VCL: variants seen among roughly 807,000 people sequenced by gnomAD.
VCL encodes epididymis luminal protein 114.
A neutral mutation model predicts 125.7 loss-of-function variants in VCL; 47 were observed. That is an observed-to-expected ratio of 0.37 (90% CI 0.30 to 0.48). VCL has a LOEUF of 0.48. Ranked by LOEUF, VCL falls within the 20% of genes least tolerant of loss-of-function variation. VCL has a pLI of 0.99. For missense variants in VCL, 1,069 were observed against 1,455.5 expected (o/e 0.73, Z 4.32); for synonymous variants, 458 against 514.6 (o/e 0.89, Z 1.49).
chr10:74,115,462 C>T (rs772228972), intron 21 of VCL, among the ~76,000 whole-genome samples: 37 of 152,138 alleles, frequency 2.4e-4, no homozygotes, highest in Non-Finnish European at 4.0e-4. Context: ...CAACTTTTGT[C>T]ATTTTACAGA....
chr10:74,019,927 G>A (rs372773441), intron 1 of VCL, among the ~76,000 whole-genome samples: 1 of 152,136 alleles, frequency 6.6e-6, no homozygotes, highest in East Asian at 1.9e-4. Flanking sequence ...GCCGGGCGTG[G>A]TGGCGGGCGC....
At position 74,072,719 on chromosome 10, in the gene VCL, T is replaced by C. The variant is rs1441166248; in HGVS notation, c.500-11T>C. The C allele has an allele frequency of 6.2e-7, 1 of 1,613,928 alleles. No homozygotes were observed. The highest frequency in any genetic ancestry group is 8.5e-7 in the Non-Finnish European group (1 of 1,179,902). On this transcript the variant is annotated splice_polypyrimidine_tract_variant and intron_variant, in intron 4 of 21. Coordinates refer to ENST00000211998, the MANE Select transcript of VCL (RefSeq NM_014000.3). ...CTACTCACCCTGCACAATTTCTTCT[T>C]TGTGCCCCAGGAATGACTAAGATGG...
At chr10:74,091,791 C>CAAAAAAAAAAAAAAAA (rs545539526) in intron 10 of VCL, among the ~76,000 whole-genome samples, 1 of 61,106 alleles carries the variant, frequency 1.6e-5, no homozygotes, top group African/African-American at 5.3e-5. Flanking sequence ...TCTGTCTCAG[C>CAAAAAAAAAAAAAAAA]AAAAAAAAAA....
intron 2 of VCL, among the ~76,000 whole-genome samples, chr10:74,051,783 AG>A (rs1185445872): frequency 6.6e-6 from 1 of 152,254 alleles, no homozygotes; most frequent in Non-Finnish European, 1.5e-5. Flanking sequence ...GTTGCAGGAC[AG>A]GCAAACCCCA....
chr10:74,117,942 C>T, intron 21 of VCL, 81 bp from the exon 22 acceptor site: 1 of 1,597,000 alleles, frequency 6.3e-7, no homozygotes, highest in Non-Finnish European at 8.6e-7. Context: ...TTAGCTGCAT[C>T]CCACTCCTGG....
chr10:74,075,234 G>T, intron 6 of VCL: 1 of 279,470 alleles, frequency 3.6e-6, no homozygotes, highest in Non-Finnish European at 6.8e-6. Flanking sequence ...CTTGTATATG[G>T]GTGGTTCTTC....
At chr10:74,048,258 C>T (rs992806510) in intron 2 of VCL, among the ~76,000 whole-genome samples, 1 of 152,048 alleles carries the variant, frequency 6.6e-6, no homozygotes. Flanking sequence ...CACTTGAGGT[C>T]AAGAGTTCAA....
At chr10:74,045,235 G>A (rs1367805262) in intron 2 of VCL, among the ~76,000 whole-genome samples, 2 of 151,032 alleles carry the variant, frequency 1.3e-5, no homozygotes, top group Admixed American at 1.3e-4. Context: ...AAATAATTGA[G>A]GGAAATGAAA....
chr10:74,008,874 GCT>G (rs1340880192), intron 1 of VCL, among the ~76,000 whole-genome samples: 1 of 152,150 alleles, frequency 6.6e-6, no homozygotes, highest in Admixed American at 6.6e-5. Context: ...AGTTCTTGTT[GCT>G]CTCAGGCAGG....
intron 18 of VCL, 85 bp downstream of exon 18, chr10:74,109,241 A>G (rs1346447258): frequency 6.5e-7 from 1 of 1,526,818 alleles, no homozygotes; most frequent in Non-Finnish European, 9.0e-7. Context: ...AGAAGAGTCT[A>G]TTTGGAGTCA....
intron 1 of VCL, among the ~76,000 whole-genome samples, chr10:74,019,719 T>G (rs1033248499): frequency 6.6e-6 from 1 of 152,200 alleles, no homozygotes; most frequent in Non-Finnish European, 1.5e-5. Flanking sequence ...TATATTTGGA[T>G]TCATAGTGTT....
At chr10:74,032,140 G>A (rs1840885982) in intron 1 of VCL, among the ~76,000 whole-genome samples, 1 of 146,538 alleles carries the variant, frequency 6.8e-6, no homozygotes, top group South Asian at 2.2e-4. Context: ...TCAGGGGGCT[G>A]AGGTGGGAGG....
At chr10:74,021,350 A>C (rs935190089) in intron 1 of VCL, among the ~76,000 whole-genome samples, 51 of 151,326 alleles carry the variant, frequency 3.4e-4, no homozygotes, top group Admixed American at 3.3e-3. Context: ...GTAGTTACAG[A>C]CTTCAATGTT....
Position 74,095,833 on chromosome 10 carries a change from C to T in VCL, c.1721C>T (p.Ser574Phe), listed in dbSNP as rs574643494. 4.2e-5 allele frequency: 67 copies of T among 1,614,000 alleles called. 1 individual carries two copies. The South Asian group carries it at 6.3e-4, about 15-fold the overall frequency. Reference sequence around the variant, plus strand: ...AGTCCTCAGGCACGAGCACTTGCATCTCAGCTCCAAGACTCCTTAAAGGTA... The same window carrying T: ...AGTCCTCAGGCACGAGCACTTGCATTTCAGCTCCAAGACTCCTTAAAGGTA... ...GESPQARALA[S>F]QLQDSLKDLK... The change falls in exon 12 of 22, where the codon TCT becomes TTT. Residue 574 changes from serine (S) to phenylalanine (F), a missense_variant. This residue lies in a region of VCL where 760 missense variants were observed against 928.9 expected (regional missense o/e 0.82). Transcript: ENST00000211998.
At position 74,074,417 on chromosome 10, in the gene VCL, C is replaced by G. The variant is rs201285751; in HGVS notation, c.623-326C>G. Among the ~76,000 whole-genome samples the G allele has an allele frequency of 2.0e-5, 3 of 152,086 alleles. No homozygotes were observed. In the East Asian group the frequency reaches 5.8e-4, roughly 29 times the overall value. On this transcript the variant is annotated intron_variant, in intron 5 of 21. Coordinates refer to ENST00000211998, the MANE Select transcript of VCL (RefSeq NM_014000.3). ...CCCATTAGGTTTGTAGTAGATGGAG[C>G]CAGGGTGAGGGCCAGGATGATAACT...
intron 1 of VCL, among the ~76,000 whole-genome samples, chr10:74,019,863 G>A (rs973970549): frequency 6.6e-6 from 1 of 152,092 alleles, no homozygotes; most frequent in Non-Finnish European, 1.5e-5. Flanking sequence ...AGGAGTTTGA[G>A]ACCAGCCTGG....
At chr10:74,055,028 G>A (rs533374799) in intron 2 of VCL, among the ~76,000 whole-genome samples, 1 of 152,178 alleles carries the variant, frequency 6.6e-6, no homozygotes, top group East Asian at 1.9e-4. Flanking sequence ...GGCCGGGTGC[G>A]ATGGCTCACA....
rs868668365 is a variant in VCL at position 74,114,436 on chromosome 10, T to C, written c.3153+49T>C. On this transcript the variant is annotated intron_variant, in intron 20 of 21. Coordinates refer to ENST00000211998, the MANE Select transcript of VCL (RefSeq NM_014000.3). ...GTGTGTGTGTGTGTGTGTGTGTGTGTGCGTGTGTGTGTGTGTTGGAGGGGA... is the reference window on the plus strand; with the variant it reads ...GTGTGTGTGTGTGTGTGTGTGTGTGCGCGTGTGTGTGTGTGTTGGAGGGGA... The C allele has an allele frequency of 4.3e-3, 6,052 of 1,411,298 alleles. 125 individuals are homozygous for C. In the African/African-American group the frequency reaches 0.061, roughly 14 times the overall value. 87.4% of individuals were successfully genotyped at this position (1,411,298 alleles called of 1,614,324 possible).
chr10:74,060,667 A>AAAAAAAG (rs1841466272), intron 2 of VCL, among the ~76,000 whole-genome samples: 3 of 151,322 alleles, frequency 2.0e-5, no homozygotes, highest in African/African-American at 2.4e-5. Context: ...AAAAAAAAAA[A>AAAAAAAG]AAAAAGAAAA....
Sources: gnomAD v4.1 joint callset for allele counts (sites outside exome capture counted in the v4.1 genomes callset) on GRCh38, gnomAD v4.1.1 for gene constraint, gnomAD v4.1.1 regional missense constraint, MANE v1.5 for transcripts, NCBI Gene and HGNC (gene_info 2026-07-23, HGNC 2026-07-21) for gene names.